Variants in TCF12 observed in about 807,000 individuals in gnomAD.
The protein encoded by TCF12 is DNA-binding protein HTF4.
TCF12 carries 45 observed loss-of-function variants against 86.0 expected under a neutral mutation model. The ratio of observed to expected loss-of-function variants is 0.52; its 90% CI spans 0.41 to 0.67. TCF12 has a LOEUF of 0.67. TCF12 is among the 30% of genes least tolerant of loss of function. The probability of loss-of-function intolerance (pLI) is 0.00; values close to 1 mark genes in which losing one functional copy is unlikely to be tolerated. For missense variants in TCF12, 881 were observed against 859.9 expected (o/e 1.02, Z -0.31); for synonymous variants, 330 against 299.6 (o/e 1.10, Z -1.05).
At chr15:57,176,574 A>G (rs577954587) in intron 6 of TCF12, among the ~76,000 whole-genome samples, 4 of 152,144 alleles carry the variant, frequency 2.6e-5, no homozygotes, top group Non-Finnish European at 4.4e-5. Flanking sequence ...TGCGTCTGTT[A>G]TTATTATTCC....
At chr15:57,150,631 A>G (rs1193705706) in intron 5 of TCF12, among the ~76,000 whole-genome samples, 1 of 152,168 alleles carries the variant, frequency 6.6e-6, no homozygotes, top group African/African-American at 2.4e-5. Context: ...TGAAAAGAAC[A>G]AGAAAAAAAT....
intron 19 of TCF12, 46 bp downstream of exon 19, chr15:57,273,308 GC>G: frequency 6.3e-7 from 1 of 1,576,534 alleles, no homozygotes; most frequent in Middle Eastern, 1.7e-4. Flanking sequence ...CTTCAGATGG[GC>G]AGACATTTCT....
At chr15:57,263,306 T>C (rs371884294) in intron 18 of TCF12, 32 bp downstream of exon 18, 12 of 1,589,144 alleles carry the variant, frequency 7.6e-6, no homozygotes, top group Non-Finnish European at 9.4e-6. Flanking sequence ...TTAAATTTTA[T>C]TCATTTTCCA....
At chr15:56,981,297 G>A (rs1327027730) in intron 3 of TCF12, among the ~76,000 whole-genome samples, 2 of 152,196 alleles carry the variant, frequency 1.3e-5, no homozygotes, top group East Asian at 3.9e-4. Context: ...GTATCAGTAG[G>A]TTTGATCTCT....
chr15:56,935,242 C>G (rs1194940554), intron 3 of TCF12, among the ~76,000 whole-genome samples: 1 of 152,150 alleles, frequency 6.6e-6, no homozygotes, highest in Non-Finnish European at 1.5e-5. Flanking sequence ...CTGTCTTAGT[C>G]TGCTTGGGCT....
intron 3 of TCF12, among the ~76,000 whole-genome samples, chr15:56,949,906 G>T (rs1403892212): frequency 3.3e-5 from 5 of 152,316 alleles, no homozygotes; most frequent in African/African-American, 1.2e-4. Flanking sequence ...GTTTAGTGGG[G>T]AAGACAGGAA....
At position 57,253,350 on chromosome 15, in the gene TCF12, C is replaced by T; in HGVS notation, c.1349C>T (p.Pro450Leu). ...GCTGTGGGACCTTCCACCAGTTTGC[C>T]TGCTGGTCACAGTGATATACATAGT... ...NHAVGPSTSLPAGHSDIHSLL... is the reference protein window; with the variant it reads ...NHAVGPSTSLLAGHSDIHSLL... The change falls in exon 16 of 21, where the codon CCT becomes CTT. Residue 450 changes from proline (P) to leucine (L), a missense_variant. By Grantham distance (98) the Pro-to-Leu change is moderately conservative (BLOSUM62 -3). Coordinates refer to ENST00000333725, the MANE Select transcript of TCF12 (RefSeq NM_207037.2). 1 of 1,614,082 alleles carries T rather than the reference C, an allele frequency of 6.2e-7. No individual in the cohort carries two copies. The highest frequency in any genetic ancestry group is 8.5e-7 in the Non-Finnish European group (1 of 1,179,994).
At chr15:56,945,294 C>T (rs1274346906) in intron 3 of TCF12, among the ~76,000 whole-genome samples, 2 of 151,816 alleles carry the variant, frequency 1.3e-5, no homozygotes, top group African/African-American at 4.8e-5. Context: ...TTTCTTAATC[C>T]GTCTTAAGAG....
At chr15:57,079,896 T>C (rs1406052153) in intron 4 of TCF12, among the ~76,000 whole-genome samples, 2 of 152,204 alleles carry the variant, frequency 1.3e-5, no homozygotes, top group Non-Finnish European at 2.9e-5. Context: ...TATAAAGTAT[T>C]AACATATTAA....
At chr15:57,003,727 A>G (rs1277146756) in intron 3 of TCF12, among the ~76,000 whole-genome samples, 1 of 152,180 alleles carries the variant, frequency 6.6e-6, no homozygotes, top group African/African-American at 2.4e-5. Flanking sequence ...GTACAAATAA[A>G]TTTTATTAAA....
At chr15:57,048,650 T>A (rs749410318) in intron 3 of TCF12, among the ~76,000 whole-genome samples, 5 of 152,182 alleles carry the variant, frequency 3.3e-5, no homozygotes, top group Admixed American at 6.5e-5. Context: ...TTAGGTAGAT[T>A]TTTTTTCAAC....
chr15:56,995,814 C>A (rs1445119383), intron 3 of TCF12, among the ~76,000 whole-genome samples: 1 of 152,118 alleles, frequency 6.6e-6, no homozygotes, highest in African/African-American at 2.4e-5. Flanking sequence ...CTGGCTAGGA[C>A]TTCCAGTACT....
chr15:57,093,692 C>T (rs1051739019), intron 5 of TCF12, among the ~76,000 whole-genome samples: 7 of 152,116 alleles, frequency 4.6e-5, no homozygotes, highest in South Asian at 2.1e-4. Flanking sequence ...GGAGCAATTA[C>T]GAGCATGTGC....
chr15:57,144,982 G>T (rs2053254613), intron 5 of TCF12, among the ~76,000 whole-genome samples: 1 of 152,004 alleles, frequency 6.6e-6, no homozygotes, highest in African/African-American at 2.4e-5. Flanking sequence ...TATCTGTAAG[G>T]AATATACTAT....
At chr15:57,215,119 C>T (rs1180602131) in intron 8 of TCF12, among the ~76,000 whole-genome samples, 2 of 152,120 alleles carry the variant, frequency 1.3e-5, no homozygotes, top group African/African-American at 4.8e-5. Flanking sequence ...AGAATAACAA[C>T]TTTCTGAACA....
At chr15:57,253,206 A>C in intron 15 of TCF12, 56 bp from the exon 16 acceptor site, 2 of 1,585,996 alleles carry the variant, frequency 1.3e-6, no homozygotes, top group Non-Finnish European at 1.7e-6. Context: ...CGTAGCAGTT[A>C]ATGAATCTAA....
chr15:57,061,166 A>G (rs2068431478), intron 3 of TCF12, among the ~76,000 whole-genome samples: 1 of 152,180 alleles, frequency 6.6e-6, no homozygotes, highest in African/African-American at 2.4e-5. Flanking sequence ...TTTATTTTAT[A>G]GAAGTAGAGT....
intron 3 of TCF12, among the ~76,000 whole-genome samples, chr15:56,999,551 C>T (rs116597370): frequency 0.014 from 2,077 of 152,132 alleles, 56 homozygotes; most frequent in African/African-American, 0.044. Flanking sequence ...TAAGATGAAA[C>T]AGATGATCTT....
chr15:56,930,817 A>C (rs1293120213), intron 3 of TCF12, among the ~76,000 whole-genome samples: 1 of 152,186 alleles, frequency 6.6e-6, no homozygotes, highest in Non-Finnish European at 1.5e-5. Flanking sequence ...TCTCAACCAC[A>C]GTTAACTTCA....
Sources: allele counts gnomAD v4.1 joint callset (sites outside exome capture counted in the v4.1 genomes callset), GRCh38; gene constraint gnomAD v4.1.1; transcripts MANE v1.5; gene names NCBI Gene and HGNC (gene_info 2026-07-23, HGNC 2026-07-21).